Variants in FOXP2 observed in about 807,000 individuals in gnomAD.
FOXP2 encodes forkhead box P2, also known as forkhead box protein P2.
FOXP2 carries 12 observed loss-of-function variants against 115.8 expected under a neutral mutation model. The ratio of observed to expected loss-of-function variants is 0.10; its 90% CI spans 0.07 to 0.17. The LOEUF (loss-of-function observed/expected upper bound fraction) is 0.17, where lower values mean the gene tolerates loss of function less well. FOXP2 is among the 10% of genes least tolerant of loss of function. The pLI is 1.00. For missense variants in FOXP2, 629 were observed against 843.5 expected, an observed-to-expected ratio of 0.75 and a Z score of 3.15; for synonymous variants, 328 against 297.7, an observed-to-expected ratio of 1.10 and a Z score of -1.05.
intron 1 of FOXP2, among the ~76,000 whole-genome samples, chr7:114,242,115 A>G (rs1299411162): frequency 6.6e-6 from 1 of 151,030 alleles, no homozygotes; most frequent in Non-Finnish European, 1.5e-5. Flanking sequence ...TTTAGATGAA[A>G]GTTCTCATGA....
At chr7:114,228,079 A>G (rs574359416) in intron 1 of FOXP2, among the ~76,000 whole-genome samples, 52 of 152,188 alleles carry the variant, frequency 3.4e-4, no homozygotes, top group African/African-American at 1.3e-3. Context: ...TATCAAAAAA[A>G]GGCTTGTATG....
At chr7:114,117,140 A>G (rs1472608156) in intron 1 of FOXP2, among the ~76,000 whole-genome samples, 2 of 151,974 alleles carry the variant, frequency 1.3e-5, no homozygotes, top group Non-Finnish European at 2.9e-5. Flanking sequence ...GAGGCAGATT[A>G]TGCCACATTC....
rs1023969600 is a variant in FOXP2, at chr7:114,615,696, A to C, written c.259-12844A>C. On this transcript the variant is annotated intron_variant, in intron 3 of 16. Transcript: ENST00000350908. Reference sequence around the variant, plus strand: ...CTGCTATTAATTAATTAGTAGCATAATGAGTGGTTTACTGTGGGTCTCTTT... The same window carrying C: ...CTGCTATTAATTAATTAGTAGCATACTGAGTGGTTTACTGTGGGTCTCTTT... Among the ~76,000 whole-genome samples, 4 of 152,100 alleles carry C rather than the reference A, an allele frequency of 2.6e-5. No homozygotes were observed. In the South Asian group the frequency reaches 8.3e-4, roughly 32 times the overall value.
At chr7:114,581,082 C>CACAG (rs1801833541) in intron 3 of FOXP2, among the ~76,000 whole-genome samples, 3 of 149,254 alleles carry the variant, frequency 2.0e-5, no homozygotes, top group Admixed American at 6.7e-5. Flanking sequence ...CATGCACACA[C>CACAG]ACACACACAC....
chr7:114,356,061 T>C (rs1791610784), intron 2 of FOXP2, among the ~76,000 whole-genome samples: 1 of 152,198 alleles, frequency 6.6e-6, no homozygotes, highest in Non-Finnish European at 1.5e-5. Context: ...TCGCTATTAT[T>C]ACCCAAGTGC....
At chr7:114,562,187 T>C (rs983071100) in intron 3 of FOXP2, among the ~76,000 whole-genome samples, 2 of 152,192 alleles carry the variant, frequency 1.3e-5, no homozygotes, top group African/African-American at 2.4e-5. Context: ...TGTTCTTCCA[T>C]TTCCCAAGCT....
At chr7:114,189,507 A>C (rs1334438970) in intron 1 of FOXP2, among the ~76,000 whole-genome samples, 1 of 152,152 alleles carries the variant, frequency 6.6e-6, no homozygotes, top group Non-Finnish European at 1.5e-5. Context: ...AGGAGTGTTT[A>C]GTAGAGTTGG....
chr7:114,248,300 A>G (rs1795344089), intron 1 of FOXP2, among the ~76,000 whole-genome samples: 1 of 152,168 alleles, frequency 6.6e-6, no homozygotes, highest in African/African-American at 2.4e-5. Flanking sequence ...CACATTGAGG[A>G]GACCATCTGG....
intron 1 of FOXP2, among the ~76,000 whole-genome samples, chr7:114,275,458 G>A (rs542603007): frequency 1.3e-5 from 2 of 152,260 alleles, no homozygotes; most frequent in South Asian, 4.1e-4. Context: ...GTTGTGTCCT[G>A]TCTACTAGTA....
chr7:114,564,939 T>G (rs1256278287), intron 3 of FOXP2, among the ~76,000 whole-genome samples: 1 of 151,698 alleles, frequency 6.6e-6, no homozygotes. Context: ...ATTGTGGTGG[T>G]TGTTATATCT....
At chr7:114,207,536 A>T (rs1367022272) in intron 1 of FOXP2, among the ~76,000 whole-genome samples, 1 of 152,222 alleles carries the variant, frequency 6.6e-6, no homozygotes, top group Non-Finnish European at 1.5e-5. Context: ...ATATAAGGCA[A>T]ATTCTTACTT....
chr7:114,153,834 C>T (rs1792588257), intron 1 of FOXP2, among the ~76,000 whole-genome samples: 1 of 152,098 alleles, frequency 6.6e-6, no homozygotes, highest in Admixed American at 6.6e-5. Flanking sequence ...TTGATGGCAG[C>T]CCTTTCCTGG....
At chr7:114,558,912 C>T (rs1027262240) in intron 3 of FOXP2, among the ~76,000 whole-genome samples, 7 of 152,088 alleles carry the variant, frequency 4.6e-5, no homozygotes. Context: ...CTGTAGTGTC[C>T]CACAGAACTG....
intron 1 of FOXP2, among the ~76,000 whole-genome samples, chr7:114,134,871 T>G (rs958062948): frequency 2.6e-5 from 4 of 152,250 alleles, no homozygotes; most frequent in African/African-American, 9.6e-5. Context: ...GTAAACATTT[T>G]CTGATCACAA....
rs3997244 is a variant in FOXP2, at chr7:114,439,735, A to ATGTGTG, written c.168+13068_168+13073dup. Reference sequence around the variant, plus strand: ...CCTAATTTTTTTTGTGTGTATATAGATGTGTGTGTGTGTGTGTATGTGGAG... The same window carrying ATGTGTG: ...CCTAATTTTTTTTGTGTGTATATAGATGTGTGTGTGTGTGTGTGTGTGTATGTGGAG... On this transcript the variant is annotated intron_variant, in intron 2 of 16. Coordinates refer to ENST00000350908, the MANE Select transcript of FOXP2 (RefSeq NM_014491.4). Among the ~76,000 whole-genome samples the ATGTGTG allele has an allele frequency of 5.8e-3, 867 of 149,784 alleles. 2 individuals are homozygous for ATGTGTG. The highest frequency in any genetic ancestry group is 0.02 in the African/African-American group (826 of 40,972).
chr7:114,523,164 A>G (rs1182183147), intron 2 of FOXP2, among the ~76,000 whole-genome samples: 1 of 152,166 alleles, frequency 6.6e-6, no homozygotes, highest in Non-Finnish European at 1.5e-5. Context: ...TGTAAATTGT[A>G]AACTGGGAAG....
In FOXP2 at chr7:114,629,873, G is replaced by GCAACAGCAGCAGCAGCAA. The variant is rs775298061; in HGVS notation, c.477_494dup (p.Gln186_Gln191dup). Reference sequence around the variant, plus strand: ...ATCTTCAGCTTTTGCAGCAGCAGCAGCAACAGCAGCAGCAGCAACAACAGC... The same window carrying GCAACAGCAGCAGCAGCAA: ...ATCTTCAGCTTTTGCAGCAGCAGCAGCAACAGCAGCAGCAGCAACAACAGCAGCAGCAGCAACAACAGC... On this transcript the variant is annotated inframe_insertion, in exon 5 of 17. Coordinates refer to ENST00000350908, the MANE Select transcript of FOXP2 (RefSeq NM_014491.4). The GCAACAGCAGCAGCAGCAA allele has an allele frequency of 6.2e-7, 1 of 1,610,604 alleles. No homozygotes were observed. Among genetic ancestry groups the GCAACAGCAGCAGCAGCAA allele is most frequent in the Non-Finnish European group, 8.5e-7 (1 of 1,179,288 alleles).
At chr7:114,237,082 G>A (rs1444360345) in intron 1 of FOXP2, among the ~76,000 whole-genome samples, 1 of 152,110 alleles carries the variant, frequency 6.6e-6, no homozygotes, top group Non-Finnish European at 1.5e-5. Flanking sequence ...GACATGTACT[G>A]CTTATTTGTG....
intron 3 of FOXP2, among the ~76,000 whole-genome samples, chr7:114,612,793 A>G (rs1314441460): frequency 6.6e-6 from 1 of 152,222 alleles, no homozygotes; most frequent in Non-Finnish European, 1.5e-5. Context: ...TCATGGATAT[A>G]AATTATTATA....
Sources: allele counts gnomAD v4.1 joint callset (sites outside exome capture counted in the v4.1 genomes callset), GRCh38; gene constraint gnomAD v4.1.1; transcripts MANE v1.5; gene names NCBI Gene and HGNC (gene_info 2026-07-23, HGNC 2026-07-21).